The following PLAA variants were observed in gnomAD, a reference collection of about 807,000 sequenced individuals.
The protein encoded by PLAA is phospholipase A-2-activating protein.
A neutral mutation model predicts 84.1 loss-of-function variants in PLAA; 48 were observed. The observed-to-expected ratio is 0.57, with a 90% CI of 0.45 to 0.73. The LOEUF is 0.73. Ranked by LOEUF, PLAA falls within the 30% of genes least tolerant of loss-of-function variation. PLAA has a pLI of 0.00. For synonymous variants in PLAA, 392 were observed against 336.6 expected (o/e 1.16, Z -1.80); for missense variants, 903 against 954.7 (o/e 0.95, Z 0.71).
chr9:26,904,618 A>G lies in PLAA; in HGVS notation c.*893T>C, dbSNP rs990260872. The G allele has an allele frequency of 6.6e-6, 1 of 152,120 alleles. No homozygotes were observed. Among genetic ancestry groups the G allele is most frequent in the Non-Finnish European group, 1.5e-5 (1 of 67,994 alleles). 9.4% of individuals were successfully genotyped at this position (152,120 alleles called of 1,614,324 possible). On this transcript the variant is annotated 3_prime_UTR_variant, in exon 14 of 14. Transcript: ENST00000397292. ...TTAAGGATTAAATATCAGTGTGTCT[A>G]CTATTCTGCCTGGACCACATAGAGG...
intron 2 of PLAA, among the ~76,000 whole-genome samples, chr9:26,933,888 A>T (rs1244760920): frequency 6.6e-6 from 1 of 151,756 alleles, no homozygotes; most frequent in African/African-American, 2.4e-5. Context: ...AGCTCACTGC[A>T]GCCTCCAACT....
rs748934424 is a variant in PLAA, at chr9:26,919,463, T to C, written c.1264A>G (p.Thr422Ala). ...GGPSYKLPYN[T>A]SDDPWLTAYN... ...GCAGTTAACCAAGGGTCATCACTGG[T>C]ATTATATGGCAATTTATATGATGGT... The change falls in exon 9 of 14, where the codon ACC (threonine) becomes GCC (alanine). Residue 422 changes from threonine (T) to alanine (A), a missense_variant. Thr to Ala is a moderately conservative substitution (Grantham distance 58, BLOSUM62 0). Transcript: ENST00000397292. 3.7e-6 allele frequency: 6 copies of C among 1,611,450 alleles called. No individual in the cohort carries two copies. The highest frequency in any genetic ancestry group is 1.3e-5 in the African/African-American group (1 of 75,018).
At chr9:26,939,365 G>T (rs1340187122) in intron 1 of PLAA, among the ~76,000 whole-genome samples, 1 of 151,566 alleles carries the variant, frequency 6.6e-6, no homozygotes, top group Non-Finnish European at 1.5e-5. Flanking sequence ...TCCAGCCTGG[G>T]CCACAGACTG....
intron 13 of PLAA, 155 bp downstream of exon 13, chr9:26,907,679 A>G: frequency 1.7e-6 from 1 of 585,440 alleles, no homozygotes; most frequent in Non-Finnish European, 2.9e-6. Context: ...CATCAATTCC[A>G]GTAGTGTAGT....
Position 26,923,301 on chromosome 9 carries a change from T to C in PLAA, c.916A>G (p.Ser306Gly). 1 of 1,613,502 alleles carries C rather than the reference T, an allele frequency of 6.2e-7. No individual in the cohort carries two copies. Among genetic ancestry groups the C allele is most frequent in the Non-Finnish European group, 8.5e-7 (1 of 1,179,588 alleles). Reference protein sequence around the residue: ...VFTESEDRTASAEEIKAFEKE... With the variant: ...VFTESEDRTAGAEEIKAFEKE... ...TCAAAAGCCTTGATTTCTTCAGCAC[T>C]TGCTGTTCGATCTTCTGATTCTGTA... Residue 306 changes from serine to glycine, a missense_variant, in exon 7 of 14, where the codon AGT (serine) becomes GGT (glycine). Ser to Gly is a moderately conservative substitution (Grantham distance 56). Transcript: ENST00000397292.
rs767737002 is a variant in PLAA, at chr9:26,915,757, G to C, written c.1486+1340C>G. 4.1e-6 allele frequency: 4 copies of C among 984,908 alleles called. No homozygotes were observed. In the Admixed American group the frequency reaches 1.8e-4, roughly 46 times the overall value. 61.0% of individuals were successfully genotyped at this position (984,908 alleles called of 1,614,324 possible). ...CATCTTCTGAGTTACTGACATTATG[G>C]AACAGTGAGATATGCTCTGGTTATA... On this transcript the variant is annotated intron_variant, in intron 10 of 13. Transcript: ENST00000397292.
intron 12 of PLAA, among the ~76,000 whole-genome samples, chr9:26,909,115 T>C (rs1366553597): frequency 6.6e-6 from 1 of 152,212 alleles, no homozygotes; most frequent in African/African-American, 2.4e-5. Context: ...TTTGAGTTAC[T>C]GTGTTTCTTT....
Position 26,912,485 on chromosome 9 carries a change from T to C in PLAA, c.1555+1394A>G, listed in dbSNP as rs1001719562. ...AGATCACTGTCTGCAATATGGATCATCGAGAGACCAATTTGGAAGTTATTT... is the reference window on the plus strand; with the variant it reads ...AGATCACTGTCTGCAATATGGATCACCGAGAGACCAATTTGGAAGTTATTT... On this transcript the variant is annotated intron_variant, in intron 11 of 13. Transcript: ENST00000397292. 7.9e-5 allele frequency among the ~76,000 whole-genome samples: 12 copies of C among 152,292 alleles called. No homozygotes were observed. The South Asian group carries it at 2.3e-3, about 29-fold the overall frequency.
intron 2 of PLAA, among the ~76,000 whole-genome samples, chr9:26,934,102 C>G (rs1825278818): frequency 6.6e-6 from 1 of 152,238 alleles, no homozygotes; most frequent in East Asian, 1.9e-4. Context: ...AGCCATGGTG[C>G]CTGGCACATT....
In PLAA at chr9:26,928,091, T is replaced by C; in HGVS notation, c.565+9A>G. On this transcript the variant is annotated intron_variant, in intron 4 of 13. Transcript: ENST00000397292. ...ATGATATTATAAAACTTGTCTACCC[T>C]GATCTTACCTGAAAAAGTCCTCTCA... The C allele has an allele frequency of 6.2e-7, 1 of 1,611,136 alleles. No homozygotes were observed. Among genetic ancestry groups the C allele is most frequent in the Non-Finnish European group, 8.5e-7 (1 of 1,179,210 alleles).
intron 7 of PLAA, 40 bp downstream of exon 7, chr9:26,923,138 T>G (rs1209385811): frequency 9.1e-6 from 13 of 1,420,954 alleles, no homozygotes; most frequent in Non-Finnish European, 1.2e-5. Context: ...AAAAGCCAAA[T>G]ATGGTGAATT....
intron 1 of PLAA, among the ~76,000 whole-genome samples, chr9:26,941,511 C>A (rs995213930): frequency 6.6e-6 from 1 of 152,112 alleles, no homozygotes; most frequent in Non-Finnish European, 1.5e-5. Context: ...ATTCTCTACC[C>A]ATAACACTGA....
At chr9:26,928,578 T>C (rs1192732992) in intron 2 of PLAA, among the ~76,000 whole-genome samples, 170 bp from the exon 3 acceptor site, 4 of 152,216 alleles carry the variant, frequency 2.6e-5, no homozygotes, top group Non-Finnish European at 5.9e-5. Flanking sequence ...AAGAGCAGAC[T>C]CTGGTGCCAG....
intron 1 of PLAA, among the ~76,000 whole-genome samples, chr9:26,940,366 G>A (rs1825494138): frequency 6.6e-6 from 1 of 152,180 alleles, no homozygotes; most frequent in African/African-American, 2.4e-5. Context: ...AGAACCTTGA[G>A]GACATTGTGC....
At chr9:26,937,525 C>A (rs762333061) in intron 1 of PLAA, among the ~76,000 whole-genome samples, 95 of 152,050 alleles carry the variant, frequency 6.2e-4, no homozygotes, top group Non-Finnish European at 1.0e-3. Flanking sequence ...AAAGTATGGC[C>A]CATTCAAAGG....
intron 1 of PLAA, 132 bp downstream of exon 1, chr9:26,946,765 G>T: frequency 9.6e-7 from 1 of 1,043,926 alleles, no homozygotes; most frequent in Non-Finnish European, 1.3e-6. Flanking sequence ...TCTGAGAATT[G>T]GAAGGGAGCG....
At position 26,946,931 on chromosome 9, in the gene PLAA, G is replaced by C. The variant is rs1388779691; in HGVS notation, c.115C>G (p.Arg39Gly). Residue 39 changes from arginine to glycine, a missense_variant, in exon 1 of 14, where the codon CGA (arginine) becomes GGA (glycine). By Grantham distance (125) the Arg-to-Gly change is moderately radical. Transcript: ENST00000397292. ...GCCCAGAGGCGGGTGGTGCGGTCTC[G>C]GGACACGGACACAAAGGCTCCCGGC... ...YPPGAFVSVS[R>G]DRTTRLWAPD... 1 of 1,581,050 alleles carries C rather than the reference G, an allele frequency of 6.3e-7. No individual in the cohort carries two copies. The highest frequency in any genetic ancestry group is 1.2e-5 in the South Asian group (1 of 86,696).
chr9:26,913,832 G>T, intron 11 of PLAA, 47 bp downstream of exon 11: 1 of 1,359,092 alleles, frequency 7.4e-7, no homozygotes, highest in Non-Finnish European at 1.0e-6. Context: ...AAGTTCCAAC[G>T]AATTTTTAAA....
At chr9:26,913,114 G>T (rs1207271015) in intron 11 of PLAA, among the ~76,000 whole-genome samples, 1 of 151,896 alleles carries the variant, frequency 6.6e-6, no homozygotes, top group Non-Finnish European at 1.5e-5. Context: ...TAGGTTTATG[G>T]GTGTTTATTT....
Sources: allele counts gnomAD v4.1 joint callset (sites outside exome capture counted in the v4.1 genomes callset), GRCh38; gene constraint gnomAD v4.1.1; transcripts MANE v1.5; gene names NCBI Gene and HGNC (gene_info 2026-07-23, HGNC 2026-07-21).